The following LRRC4C variants were observed in gnomAD, a reference collection of about 807,000 sequenced individuals.
LRRC4C encodes the protein leucine rich repeat containing 4C, also known as leucine-rich repeat-containing protein 4C.
A neutral mutation model predicts 33.6 loss-of-function variants in LRRC4C; 5 were observed. The ratio of observed to expected loss-of-function variants is 0.15; its 90% confidence interval spans 0.08 to 0.31. The LOEUF is 0.31. Ranked by LOEUF, LRRC4C falls within the 10% of genes least tolerant of loss-of-function variation. The probability of loss-of-function intolerance (pLI) is 1.00; values close to 1 mark genes in which losing one functional copy is unlikely to be tolerated. For missense variants in LRRC4C, 560 were observed against 796.7 expected, an observed-to-expected ratio of 0.70 and a Z score of 3.58; for synonymous variants, 329 against 302.0, an observed-to-expected ratio of 1.09 and a Z score of -0.93.
At chr11:40,155,193 G>T (rs1029916953) in intron 5 of LRRC4C, among the ~76,000 whole-genome samples, 1 of 152,008 alleles carries the variant, frequency 6.6e-6, no homozygotes, top group African/African-American at 2.4e-5. Context: ...TCAAAACTCT[G>T]GGATACAGCA....
rs150532874 is a variant in LRRC4C, at chr11:41,339,716, A to G, written c.-496+119715T>C. On this transcript the variant is annotated intron_variant, in intron 1 of 6. Transcript: ENST00000528697. The stretch of plus-strand genomic sequence containing the variant: ...TCCTAACAGTTTGAGCTAATCAAAT[A>G]TATTTTGCACTTGGAGTAATGGTTA... Among the ~76,000 whole-genome samples the G allele has an allele frequency of 9.6e-3, 1,460 of 152,294 alleles. 23 individuals are homozygous for G. The highest frequency in any genetic ancestry group is 0.033 in the African/African-American group (1,384 of 41,556).
chr11:41,281,375 G>C (rs752059300), intron 1 of LRRC4C, among the ~76,000 whole-genome samples: 1 of 152,098 alleles, frequency 6.6e-6, no homozygotes, highest in South Asian at 2.1e-4. Context: ...TGCAGGCAAC[G>C]TATAAATATT....
At chr11:41,192,851 C>CAAGAGA in intron 1 of LRRC4C, among the ~76,000 whole-genome samples, 1 of 152,118 alleles carries the variant, frequency 6.6e-6, no homozygotes, top group East Asian at 1.9e-4. Flanking sequence ...GTCAGGATAA[C>CAAGAGA]AAGAGAAGCA....
chr11:41,124,634 C>T (rs1013612937), intron 1 of LRRC4C, among the ~76,000 whole-genome samples: 3 of 152,132 alleles, frequency 2.0e-5, no homozygotes, highest in African/African-American at 7.2e-5. Flanking sequence ...CAGTCATTAA[C>T]ATGAATGCTA....
chr11:40,721,084 T>A (rs1480659125), intron 2 of LRRC4C, among the ~76,000 whole-genome samples: 1 of 152,190 alleles, frequency 6.6e-6, no homozygotes, highest in East Asian at 1.9e-4. Context: ...CTTTAGGGTA[T>A]GATTCAGAAA....
chr11:40,563,963 T>C (rs542073187), intron 3 of LRRC4C, among the ~76,000 whole-genome samples: 1 of 152,292 alleles, frequency 6.6e-6, no homozygotes, highest in East Asian at 1.9e-4. Flanking sequence ...GGGTTACATT[T>C]CAGTGCACGT....
At chr11:41,242,148 T>A (rs548684882) in intron 1 of LRRC4C, among the ~76,000 whole-genome samples, 1 of 152,286 alleles carries the variant, frequency 6.6e-6, no homozygotes, top group East Asian at 1.9e-4. Flanking sequence ...TTAGAGCTTT[T>A]AGGCTGATAC....
chr11:40,462,147 A>G (rs1952429359), intron 3 of LRRC4C, among the ~76,000 whole-genome samples: 1 of 152,090 alleles, frequency 6.6e-6, no homozygotes, highest in South Asian at 2.1e-4. Flanking sequence ...TATTGATGAT[A>G]TAAGCCTATG....
chr11:40,127,606 C>G (rs1856349455), intron 6 of LRRC4C, among the ~76,000 whole-genome samples: 1 of 152,116 alleles, frequency 6.6e-6, no homozygotes, highest in African/African-American at 2.4e-5. Context: ...CTGCTCTTGT[C>G]CCTAAAGGAA....
intron 3 of LRRC4C, among the ~76,000 whole-genome samples, chr11:40,489,909 C>A (rs1169501992): frequency 6.6e-6 from 1 of 152,086 alleles, no homozygotes; most frequent in African/African-American, 2.4e-5. Context: ...ATTGAGCACT[C>A]ACTGTGTGTC....
intron 1 of LRRC4C, among the ~76,000 whole-genome samples, chr11:40,988,713 C>CCTTTTTTTTTTTTTTT (rs1203305681): frequency 1.7e-5 from 1 of 57,752 alleles, no homozygotes; most frequent in Non-Finnish European, 4.1e-5. Context: ...CTTTTCTTTT[C>CCTTTTTTTTTTTTTTT]TTTTTTTTTT....
intron 1 of LRRC4C, among the ~76,000 whole-genome samples, chr11:41,309,229 T>A (rs1591228964): frequency 6.6e-6 from 1 of 151,662 alleles, no homozygotes; most frequent in African/African-American, 2.4e-5. Flanking sequence ...TAGTGGGGGG[T>A]GGGAGTGCTC....
At chr11:41,392,522 T>C (rs1953640839) in intron 1 of LRRC4C, among the ~76,000 whole-genome samples, 2 of 150,956 alleles carry the variant, frequency 1.3e-5, no homozygotes, top group African/African-American at 4.9e-5. Flanking sequence ...TTGAATAGTG[T>C]TACCACCCCC....
At chr11:41,398,922 T>C (rs532665298) in intron 1 of LRRC4C, among the ~76,000 whole-genome samples, 43 of 152,070 alleles carry the variant, frequency 2.8e-4, no homozygotes, top group African/African-American at 1.0e-3. Context: ...CCACTTTGTC[T>C]ATTTACCTTG....
At chr11:40,504,275 G>T (rs1012612896) in intron 3 of LRRC4C, among the ~76,000 whole-genome samples, 3 of 152,080 alleles carry the variant, frequency 2.0e-5, no homozygotes, top group African/African-American at 7.2e-5. Flanking sequence ...TAACTTTTGT[G>T]AGTTTAAAGA....
At chr11:40,702,480 G>GCTA (rs1325974399) in intron 2 of LRRC4C, among the ~76,000 whole-genome samples, 1 of 151,350 alleles carries the variant, frequency 6.6e-6, no homozygotes, top group Non-Finnish European at 1.5e-5. Flanking sequence ...CATTAAAATT[G>GCTA]CTACCATTTG....
At chr11:41,304,873 A>C (rs200436457) in intron 1 of LRRC4C, among the ~76,000 whole-genome samples, 1 of 60,662 alleles carries the variant, frequency 1.6e-5, no homozygotes. Flanking sequence ...AGGTGGGGGT[A>C]TCAGCCCTCC....
At chr11:40,982,891 T>A (rs999828152) in intron 1 of LRRC4C, among the ~76,000 whole-genome samples, 2 of 152,188 alleles carry the variant, frequency 1.3e-5, no homozygotes, top group African/African-American at 4.8e-5. Flanking sequence ...TTCTCATCAT[T>A]TAGCTCCCAC....
At chr11:40,733,942 C>T (rs941717162) in intron 2 of LRRC4C, among the ~76,000 whole-genome samples, 3 of 152,144 alleles carry the variant, frequency 2.0e-5, no homozygotes, top group Non-Finnish European at 2.9e-5. Flanking sequence ...TGGAGACATA[C>T]TGTTACCTGG....
Sources: gnomAD v4.1 joint callset for allele counts (sites outside exome capture counted in the v4.1 genomes callset) on GRCh38, gnomAD v4.1.1 for gene constraint, MANE v1.5 for transcripts, NCBI Gene and HGNC (gene_info 2026-07-23, HGNC 2026-07-21) for gene names.